Variants in ADAMTS6 observed in about 807,000 individuals in gnomAD.
ADAMTS6 encodes the protein ADAM metallopeptidase with thrombospondin type 1 motif 6.
A neutral mutation model predicts 144.3 loss-of-function variants in ADAMTS6; 23 were observed. The ratio of observed to expected loss-of-function variants is 0.16; its 90% CI spans 0.11 to 0.23. The LOEUF (loss-of-function observed/expected upper bound fraction) is 0.23, where lower values mean the gene tolerates loss of function less well. Among genes scored for constraint, ADAMTS6 ranks in the 10% least tolerant of loss-of-function variants. ADAMTS6 has a pLI of 1.00. For synonymous variants in ADAMTS6, 444 were observed against 457.5 expected (o/e 0.97, Z 0.38); for missense variants, 999 against 1,379.6 (o/e 0.72, Z 4.37).
intron 8 of ADAMTS6, among the ~76,000 whole-genome samples, chr5:65,330,252 G>A (rs1746586849): frequency 6.6e-6 from 1 of 152,080 alleles, no homozygotes; most frequent in Non-Finnish European, 1.5e-5. Flanking sequence ...GTATGTAGAA[G>A]TTTTAATATT....
At chr5:65,186,804 G>A (rs904721279) in intron 22 of ADAMTS6, among the ~76,000 whole-genome samples, 4 of 152,030 alleles carry the variant, frequency 2.6e-5, no homozygotes, top group Admixed American at 1.3e-4. Flanking sequence ...CTGGACTATG[G>A]CTAGGAAACT....
At chr5:65,401,388 T>C (rs1438373511) in intron 7 of ADAMTS6, among the ~76,000 whole-genome samples, 1 of 151,860 alleles carries the variant, frequency 6.6e-6, no homozygotes, top group East Asian at 1.9e-4. Context: ...AGCTAGTTTC[T>C]CCTGAGGTCA....
At chr5:65,420,120 C>T (rs746891461) in intron 7 of ADAMTS6, among the ~76,000 whole-genome samples, 5 of 151,984 alleles carry the variant, frequency 3.3e-5, no homozygotes, top group Non-Finnish European at 7.4e-5. Flanking sequence ...GGAAGAAGTG[C>T]CAAGCAAAGG....
At chr5:65,381,919 A>C (rs1211553585) in intron 7 of ADAMTS6, among the ~76,000 whole-genome samples, 1 of 152,222 alleles carries the variant, frequency 6.6e-6, no homozygotes, top group East Asian at 1.9e-4. Flanking sequence ...TTTTCAAATT[A>C]GTATTTGTGG....
At chr5:65,385,261 TTAGAA>T (rs2062748204) in intron 7 of ADAMTS6, among the ~76,000 whole-genome samples, 2 of 152,198 alleles carry the variant, frequency 1.3e-5, no homozygotes, top group Non-Finnish European at 2.9e-5. Context: ...TCTTTCCCCT[TTAGAA>T]TAGAAATTCC....
chr5:65,373,323 G>A (rs1751166952), intron 7 of ADAMTS6, among the ~76,000 whole-genome samples: 1 of 151,598 alleles, frequency 6.6e-6, no homozygotes. Context: ...CCAGGAGCTG[G>A]TTTTTTGAAA....
intron 10 of ADAMTS6, among the ~76,000 whole-genome samples, chr5:65,296,942 G>GA (rs1158105339): frequency 2.0e-5 from 3 of 152,110 alleles, no homozygotes; most frequent in African/African-American, 7.2e-5. Context: ...CTAAGTGGTG[G>GA]AAAATGTATG....
At chr5:65,247,922 A>G (rs1759772797) in intron 14 of ADAMTS6, among the ~76,000 whole-genome samples, 1 of 152,192 alleles carries the variant, frequency 6.6e-6, no homozygotes, top group Non-Finnish European at 1.5e-5. Context: ...CAGGAAAACA[A>G]CATATTCTTA....
In ADAMTS6 at chr5:65,398,840, GAAAGAAAGAA is replaced by G. The variant is rs1440153954; in HGVS notation, c.1073+52625_1073+52634del. On this transcript the variant is annotated intron_variant, in intron 7 of 24. Coordinates refer to ENST00000381055, the MANE Select transcript of ADAMTS6 (RefSeq NM_197941.4). Reference sequence around the variant, plus strand: ...AGAAAGAAAGAAAGAAAGAAAGAAAGAAAGAAAGAAAAAGAAAGAGAAAGAAAGAAAGAAA... The same window carrying G: ...AGAAAGAAAGAAAGAAAGAAAGAAAGAAAGAAAGAGAAAGAAAGAAAGAAA... 2.0e-3 allele frequency among the ~76,000 whole-genome samples: 237 copies of G among 121,406 alleles called. 2 individuals carry two copies. Among genetic ancestry groups the G allele is most frequent in the African/African-American group, 6.1e-3 (192 of 31,372 alleles). The allele number at this position is 121,406 out of a possible 152,430, so 79.6% of individuals were successfully genotyped here. A position where few individuals can be genotyped will look rare whatever the true frequency, so the allele number is the denominator to read the frequency against.
chr5:65,468,519 TCTG>T (rs1467688030), intron 3 of ADAMTS6, among the ~76,000 whole-genome samples: 1 of 150,828 alleles, frequency 6.6e-6, no homozygotes, highest in African/African-American at 2.4e-5. Flanking sequence ...GTGTGAAACA[TCTG>T]CTCACAAATT....
chr5:65,365,429 T>C (rs1750214789), intron 7 of ADAMTS6, among the ~76,000 whole-genome samples: 1 of 152,114 alleles, frequency 6.6e-6, no homozygotes. Flanking sequence ...GCAGATCACC[T>C]GAGGTCAGGA....
intron 7 of ADAMTS6, among the ~76,000 whole-genome samples, chr5:65,417,754 T>C (rs1047738311): frequency 3.3e-5 from 5 of 152,190 alleles, no homozygotes; most frequent in Non-Finnish European, 2.9e-5. Context: ...AAATATTCCA[T>C]AATCATAAAT....
At chr5:65,473,473 T>G in intron 2 of ADAMTS6, 104 bp downstream of exon 2, 1 of 964,780 alleles carries the variant, frequency 1.0e-6, no homozygotes, top group Non-Finnish European at 1.6e-6. Flanking sequence ...TTCCTATCAC[T>G]ACATATCCCA....
At chr5:65,254,136 C>T (rs150455142) in intron 14 of ADAMTS6, among the ~76,000 whole-genome samples, 5 of 152,152 alleles carry the variant, frequency 3.3e-5, no homozygotes, top group African/African-American at 1.2e-4. Context: ...CGAGCCACCA[C>T]GCCCGGCCAC....
chr5:65,182,201 C>T (rs1200402884), intron 22 of ADAMTS6, among the ~76,000 whole-genome samples: 1 of 151,994 alleles, frequency 6.6e-6, no homozygotes, highest in Non-Finnish European at 1.5e-5. Flanking sequence ...AATCCCAGCA[C>T]TTTGGGAGGC....
chr5:65,417,358 A>C (rs935943109), intron 7 of ADAMTS6, among the ~76,000 whole-genome samples: 2 of 152,242 alleles, frequency 1.3e-5, no homozygotes, highest in Admixed American at 1.3e-4. Context: ...TATTCAACAT[A>C]GTATTGGAAG....
chr5:65,417,540 C>A (rs987011680), intron 7 of ADAMTS6, among the ~76,000 whole-genome samples: 4 of 152,104 alleles, frequency 2.6e-5, no homozygotes, highest in African/African-American at 9.7e-5. Context: ...TTTCAGGATA[C>A]AAAATCAATA....
At chr5:65,256,353 T>C (rs1760663622) in intron 14 of ADAMTS6, 1 of 151,058 alleles carries the variant, frequency 6.6e-6, no homozygotes, top group Non-Finnish European at 1.5e-5. Flanking sequence ...TTTTTATATA[T>C]TAGATTACAT....
At chr5:65,413,549 T>C (rs1015676321) in intron 7 of ADAMTS6, among the ~76,000 whole-genome samples, 4 of 152,160 alleles carry the variant, frequency 2.6e-5, no homozygotes, top group African/African-American at 9.6e-5. Context: ...AATTAAATTA[T>C]ATAATGCAGC....
Sources: gnomAD v4.1 joint callset for allele counts (sites outside exome capture counted in the v4.1 genomes callset) on GRCh38, gnomAD v4.1.1 for gene constraint, MANE v1.5 for transcripts, NCBI Gene and HGNC (gene_info 2026-07-23, HGNC 2026-07-21) for gene names.